CBLB: variants seen among roughly 807,000 people sequenced by gnomAD.
CBLB encodes the protein E3 ubiquitin-protein ligase CBL-B.
CBLB carries 31 observed loss-of-function variants against 104.9 expected under a neutral mutation model. The ratio of observed to expected loss-of-function variants is 0.30; its 90% CI spans 0.22 to 0.40. The LOEUF is 0.40. Ranked by LOEUF, CBLB falls within the 10% of genes least tolerant of loss-of-function variation. The pLI is 1.00. For synonymous variants in CBLB, 440 were observed against 422.6 expected (o/e 1.04, Z -0.51); for missense variants, 1,062 against 1,214.6 (o/e 0.87, Z 1.87).
At chr3:105,688,903 G>C (rs1359448391) in intron 13 of CBLB, among the ~76,000 whole-genome samples, 1 of 152,040 alleles carries the variant, frequency 6.6e-6, no homozygotes, top group Non-Finnish European at 1.5e-5. Context: ...GTAAATCGGA[G>C]AAACAGATTT....
At chr3:105,748,715 C>T (rs1394908054) in intron 5 of CBLB, among the ~76,000 whole-genome samples, 1 of 152,082 alleles carries the variant, frequency 6.6e-6, no homozygotes, top group Non-Finnish European at 1.5e-5. Context: ...CCAGTGACTC[C>T]CAAGTATTTG....
At chr3:105,716,155 T>A (rs1190191699) in intron 10 of CBLB, among the ~76,000 whole-genome samples, 4 of 152,196 alleles carry the variant, frequency 2.6e-5, no homozygotes, top group African/African-American at 9.7e-5. Flanking sequence ...AACATTCAGG[T>A]AGAAGAACTA....
At chr3:105,695,888 C>T (rs192024920) in intron 12 of CBLB, among the ~76,000 whole-genome samples, 1 of 151,662 alleles carries the variant, frequency 6.6e-6, no homozygotes, top group Non-Finnish European at 1.5e-5. Context: ...GCTTTACACA[C>T]AGTAAGGCTT....
chr3:105,847,658 G>A (rs1000771160), intron 3 of CBLB, among the ~76,000 whole-genome samples: 1 of 151,668 alleles, frequency 6.6e-6, no homozygotes, highest in African/African-American at 2.4e-5. Flanking sequence ...GGGGAAAATG[G>A]GTTGTAGCAC....
intron 17 of CBLB, chr3:105,672,985 C>CA (rs1427557927): frequency 1.4e-5 from 2 of 144,758 alleles, no homozygotes; most frequent in African/African-American, 5.1e-5. Context: ...TACTCGTAGG[C>CA]AAAAAACAAA....
intron 4 of CBLB, among the ~76,000 whole-genome samples, chr3:105,761,399 A>G (rs967744495): frequency 1.3e-5 from 2 of 152,182 alleles, no homozygotes; most frequent in African/African-American, 4.8e-5. Flanking sequence ...CTTGAATTGT[A>G]GCTCCCATAG....
At chr3:105,858,411 T>C (rs762600918) in intron 2 of CBLB, among the ~76,000 whole-genome samples, 8 of 152,060 alleles carry the variant, frequency 5.3e-5, no homozygotes, top group Admixed American at 2.6e-4. Context: ...GGCAGTATAT[T>C]AGAGAGAAAA....
intron 7 of CBLB, among the ~76,000 whole-genome samples, chr3:105,739,824 G>A (rs1053464041): frequency 1.3e-5 from 2 of 152,202 alleles, no homozygotes; most frequent in African/African-American, 4.8e-5. Flanking sequence ...AGTGAAACTG[G>A]CTGGGCACAG....
chr3:105,842,912 G>T (rs983314574), intron 3 of CBLB, among the ~76,000 whole-genome samples: 4 of 152,188 alleles, frequency 2.6e-5, no homozygotes, highest in Admixed American at 2.6e-4. Context: ...TTATATGATG[G>T]ATTGGTGTTG....
chr3:105,672,933 A>ATATAC (rs2065220096), intron 17 of CBLB: 1 of 152,182 alleles, frequency 6.6e-6, no homozygotes, highest in East Asian at 1.9e-4. Context: ...TATAAATAGC[A>ATATAC]TATACTATGA....
intron 10 of CBLB, among the ~76,000 whole-genome samples, chr3:105,707,569 G>A (rs2070358081): frequency 6.6e-6 from 1 of 152,108 alleles, no homozygotes; most frequent in South Asian, 2.1e-4. Context: ...GTGTACTGAA[G>A]CTTTGCCTTA....
At chr3:105,728,240 A>G (rs902008714) in intron 9 of CBLB, among the ~76,000 whole-genome samples, 1 of 152,264 alleles carries the variant, frequency 6.6e-6, no homozygotes, top group African/African-American at 2.4e-5. Context: ...AAATCTCCTA[A>G]AGCTGATAAG....
chr3:105,699,020 C>T (rs1386753651), intron 12 of CBLB, among the ~76,000 whole-genome samples: 1 of 152,104 alleles, frequency 6.6e-6, no homozygotes, highest in Non-Finnish European at 1.5e-5. Context: ...CCTACACCTG[C>T]CCACACTCAA....
chr3:105,702,864 GATTTGTAAT>G (rs1352001153), intron 11 of CBLB, among the ~76,000 whole-genome samples: 1 of 152,102 alleles, frequency 6.6e-6, no homozygotes, highest in Admixed American at 6.5e-5. Flanking sequence ...AGAGTAACTT[GATTTGTAAT>G]ATTTGTAATA....
chr3:105,734,552 C>T lies in CBLB; in HGVS notation c.1072-412G>A, dbSNP rs569002197. On this transcript the variant is annotated intron_variant, in intron 8 of 18. Coordinates refer to ENST00000394030, the MANE Select transcript of CBLB (RefSeq NM_170662.5). ...AAATTGAAAAAAAAATGATACTTGG[C>T]TAAACATTAAATTTTACTGTTTCAA... Among the ~76,000 whole-genome samples the T allele has an allele frequency of 2.4e-4, 36 of 152,166 alleles. 1 individual carries two copies. The South Asian group carries it at 7.3e-3, about 31-fold the overall frequency.
At chr3:105,763,738 T>A (rs1369515856) in intron 4 of CBLB, among the ~76,000 whole-genome samples, 1 of 152,220 alleles carries the variant, frequency 6.6e-6, no homozygotes, top group Non-Finnish European at 1.5e-5. Context: ...AACATGATCC[T>A]AAAAAACCAA....
chr3:105,702,727 C>A (rs1038811062), intron 11 of CBLB, among the ~76,000 whole-genome samples: 2 of 151,798 alleles, frequency 1.3e-5, no homozygotes, highest in African/African-American at 4.8e-5. Flanking sequence ...AGAAATGATA[C>A]AGAAACAAGT....
chr3:105,777,585 C>A (rs1379071985), intron 3 of CBLB, among the ~76,000 whole-genome samples: 1 of 152,094 alleles, frequency 6.6e-6, no homozygotes, highest in Non-Finnish European at 1.5e-5. Flanking sequence ...CACGCCACTG[C>A]ACTTCAGCAT....
chr3:105,706,807 T>C (rs889099297), intron 10 of CBLB, among the ~76,000 whole-genome samples: 5 of 152,198 alleles, frequency 3.3e-5, no homozygotes, highest in African/African-American at 1.2e-4. Flanking sequence ...ATAGAAAGAA[T>C]GCACAGTTCT....
Sources: allele counts gnomAD v4.1 joint callset (sites outside exome capture counted in the v4.1 genomes callset), GRCh38; gene constraint gnomAD v4.1.1; transcripts MANE v1.5; gene names NCBI Gene and HGNC (gene_info 2026-07-23, HGNC 2026-07-21).